The following UBE2G2 variants were observed in gnomAD, a reference collection of about 807,000 sequenced individuals.
UBE2G2 encodes ubiquitin-conjugating enzyme E2 G2.
In UBE2G2, 10 loss-of-function variants were observed where a neutral mutation model predicts 23.0. The observed-to-expected ratio is 0.43, with a 90% CI of 0.27 to 0.74. The LOEUF (loss-of-function observed/expected upper bound fraction) is 0.74. UBE2G2 is among the 30% of genes least tolerant of loss of function. The pLI, the probability that UBE2G2 is intolerant of heterozygous loss-of-function variation, is 0.19. For synonymous variants in UBE2G2, 86 were observed against 81.3 expected (o/e 1.06, Z -0.31); for missense variants, 150 against 218.3 (o/e 0.69, Z 1.97).
intron 3 of UBE2G2, among the ~76,000 whole-genome samples, chr21:44,786,408 C>T (rs1349917222): frequency 2.0e-5 from 3 of 152,044 alleles, no homozygotes; most frequent in Non-Finnish European, 2.9e-5. Context: ...CTTCAGACAC[C>T]GAAAAAACAT....
In UBE2G2 at chr21:44,769,022, CGACAAAGGGACACACACTG is replaced by C. The variant is rs1335337523; in HGVS notation, c.*2336_*2354del. ...GTGGCCACAGGCTCCTCTGACAATA[CGACAAAGGGACACACACTG>C]CAGGGCAGGGAAAACACAGAACTTT... is the stretch of plus-strand genomic sequence containing the variant. On this transcript the variant is annotated 3_prime_UTR_variant, in exon 6 of 6. Transcript: ENST00000345496. The C allele has an allele frequency of 1.1e-4, 16 of 152,154 alleles. No individual in the cohort carries two copies. Among genetic ancestry groups the C allele is most frequent in the Admixed American group, 1.0e-3 (16 of 15,278 alleles). 9.4% of individuals were successfully genotyped at this position (152,154 alleles called of 1,614,324 possible).
chr21:44,795,299 C>T (rs950997376), intron 1 of UBE2G2, among the ~76,000 whole-genome samples: 1 of 151,810 alleles, frequency 6.6e-6, no homozygotes, highest in African/African-American at 2.4e-5. Flanking sequence ...TAAAACAAAA[C>T]CTCAGTAAGA....
intron 3 of UBE2G2, among the ~76,000 whole-genome samples, chr21:44,783,136 A>G (rs555452952): frequency 1.3e-5 from 2 of 152,258 alleles, no homozygotes; most frequent in Non-Finnish European, 2.9e-5. Context: ...TCACCAAAGA[A>G]GATACATGAA....
intron 3 of UBE2G2, among the ~76,000 whole-genome samples, chr21:44,785,033 C>A (rs1220654620): frequency 6.6e-6 from 1 of 152,208 alleles, no homozygotes; most frequent in Non-Finnish European, 1.5e-5. Flanking sequence ...TGCAGCTACA[C>A]CCCCGTCACC....
intron 3 of UBE2G2, among the ~76,000 whole-genome samples, chr21:44,783,432 A>T (rs1176041716): frequency 1.3e-5 from 2 of 152,218 alleles, no homozygotes; most frequent in African/African-American, 4.8e-5. Context: ...AGAGAAATGA[A>T]CTCCATGTCC....
At position 44,772,050 on chromosome 21, in the gene UBE2G2, A is replaced by T. The variant is rs1475622872; in HGVS notation, c.386-561T>A. On this transcript the variant is annotated intron_variant, in intron 5 of 5. Coordinates refer to ENST00000345496, the MANE Select transcript of UBE2G2 (RefSeq NM_003343.6). This position sits in a 1 kb window ranked among gnomAD's most constrained non-coding sequence, Gnocchi z 5.4. ...CAGTCACTGCAGAACTGCAGTTAGG[A>T]GGCACGGAGGGAGTAGCCAGGGCCT... 6.6e-6 allele frequency among the ~76,000 whole-genome samples: 1 copy of T among 152,208 alleles called. No individual in the cohort carries two copies. Among genetic ancestry groups the T allele is most frequent in the African/African-American group, 2.4e-5 (1 of 41,452 alleles).
intron 4 of UBE2G2, 137 bp downstream of exon 4, chr21:44,777,162 C>A: frequency 1.3e-6 from 1 of 745,428 alleles, no homozygotes; most frequent in Non-Finnish European, 2.2e-6. Context: ...GCTTACTTGG[C>A]TGAATTTCAA....
At chr21:44,788,203 A>G (rs76831341) in intron 1 of UBE2G2, 108 bp from the exon 2 acceptor site, 1 of 1,055,760 alleles carries the variant, frequency 9.5e-7, no homozygotes, top group African/African-American at 1.6e-5. Context: ...TAGAATATGC[A>G]TATTAACAAG....
chr21:44,781,645 G>A (rs926438110), intron 3 of UBE2G2, among the ~76,000 whole-genome samples: 1 of 152,148 alleles, frequency 6.6e-6, no homozygotes, highest in South Asian at 2.1e-4. Flanking sequence ...TCCAGCACTT[G>A]GTCTCCACCA....
chr21:44,792,552 A>T (rs1034712977), intron 1 of UBE2G2, among the ~76,000 whole-genome samples: 13 of 152,166 alleles, frequency 8.5e-5, no homozygotes, highest in African/African-American at 2.9e-4. Context: ...CCTTTCTGCC[A>T]TGACTATAAG....
intron 3 of UBE2G2, among the ~76,000 whole-genome samples, chr21:44,785,291 G>A (rs184170325): frequency 6.6e-6 from 1 of 152,310 alleles, no homozygotes; most frequent in Admixed American, 6.5e-5. Context: ...CATGAGCGTG[G>A]CAGGGTCAGC....
chr21:44,788,286 TG>T lies in UBE2G2; in HGVS notation c.44-192del, dbSNP rs1555962413. Among the ~76,000 whole-genome samples, 518 of 125,614 alleles carry T rather than the reference TG, an allele frequency of 4.1e-3. 2 individuals carry two copies. Among genetic ancestry groups the T allele is most frequent in the South Asian group, 0.016 (57 of 3,650 alleles). The allele number at this position is 125,614 out of a possible 152,430, so 82.4% of individuals were successfully genotyped here. A position where few individuals can be genotyped will look rare whatever the true frequency, so the allele number is the denominator to read the frequency against. ...TGATAACAACTACACAAAGTTTTTTTGTTTTTTTTTTGTTTTTTTTTGAGAC... is the reference window on the plus strand; with the variant it reads ...TGATAACAACTACACAAAGTTTTTTTTTTTTTTTTTGTTTTTTTTTGAGAC... On this transcript the variant is annotated intron_variant, in intron 1 of 5. Coordinates refer to ENST00000345496, the MANE Select transcript of UBE2G2 (RefSeq NM_003343.6).
At chr21:44,796,383 G>A (rs1344560868) in intron 1 of UBE2G2, among the ~76,000 whole-genome samples, 6 of 152,076 alleles carry the variant, frequency 3.9e-5, no homozygotes, top group African/African-American at 1.4e-4. Context: ...ATACAATAAA[G>A]TGTGCATGAA....
At chr21:44,798,628 T>C (rs2083112216) in intron 1 of UBE2G2, among the ~76,000 whole-genome samples, 1 of 152,252 alleles carries the variant, frequency 6.6e-6, no homozygotes, top group Non-Finnish European at 1.5e-5. Flanking sequence ...ACTCCCCATC[T>C]GTTCAAGTTT....
rs2082875239 is a variant in UBE2G2, at chr21:44,771,539, G to C, written c.386-50C>G. Reference sequence around the variant, plus strand: ...ATGTAAAAGGGAGTCTTATACGTAAGCAGCCTGGCAAGGTCTCCCATTTAT... The same window carrying C: ...ATGTAAAAGGGAGTCTTATACGTAACCAGCCTGGCAAGGTCTCCCATTTAT... On this transcript the variant is annotated intron_variant, in intron 5 of 5. Coordinates refer to ENST00000345496, the MANE Select transcript of UBE2G2 (RefSeq NM_003343.6). The surrounding 1 kb of genome is among the most constrained non-coding windows in gnomAD (Gnocchi z 4.6). 6.4e-7 allele frequency: 1 copy of C among 1,569,550 alleles called. No individual in the cohort carries two copies. Among genetic ancestry groups the C allele is most frequent in the Admixed American group, 1.7e-5 (1 of 59,772 alleles).
intron 1 of UBE2G2, chr21:44,800,135 A>G (rs1325092002): frequency 6.6e-6 from 1 of 152,264 alleles, no homozygotes; most frequent in African/African-American, 2.4e-5. Flanking sequence ...ACACGAAGCG[A>G]GCAAAAATGG....
intron 3 of UBE2G2, among the ~76,000 whole-genome samples, chr21:44,784,413 T>C (rs1281609612): frequency 1.6e-5 from 2 of 121,918 alleles, no homozygotes; most frequent in African/African-American, 2.5e-5. Flanking sequence ...TTTCCTTTTT[T>C]ATTATTATTA....
chr21:44,787,835 T>G, intron 3 of UBE2G2, 85 bp downstream of exon 3: 1 of 1,489,684 alleles, frequency 6.7e-7, no homozygotes, highest in East Asian at 2.3e-5. Context: ...GCTGATGCTT[T>G]TGGACACAGT....
chr21:44,796,677 T>C (rs2146407215), intron 1 of UBE2G2, among the ~76,000 whole-genome samples: 1 of 152,342 alleles, frequency 6.6e-6, no homozygotes, highest in African/African-American at 2.4e-5. Context: ...ACAATACTCA[T>C]TGATGATCTC....
Sources: allele counts gnomAD v4.1 joint callset (sites outside exome capture counted in the v4.1 genomes callset), GRCh38; gene constraint gnomAD v4.1.1; non-coding constraint Gnocchi (gnomAD v3.1); transcripts MANE v1.5; gene names NCBI Gene and HGNC (gene_info 2026-07-23, HGNC 2026-07-21).